NIPAL4: variants seen among roughly 807,000 people sequenced by gnomAD.
NIPAL4 encodes the protein magnesium transporter NIPA4.
Under a neutral mutation model 31.6 loss-of-function variants are expected in NIPAL4, and 21 were observed. The observed-to-expected ratio is 0.67, with a 90% CI of 0.47 to 0.96. NIPAL4 has a LOEUF of 0.96. Among genes scored for constraint, NIPAL4 ranks in the 40% least tolerant of loss-of-function variants. NIPAL4 has a pLI of 0.00. For synonymous variants in NIPAL4, 175 were observed against 211.1 expected, an observed-to-expected ratio of 0.83 and a Z score of 1.48; for missense variants, 438 against 508.0, an observed-to-expected ratio of 0.86 and a Z score of 1.32.
chr5:157,461,335 T>C (rs1233743612), intron 1 of NIPAL4, among the ~76,000 whole-genome samples: 3 of 152,250 alleles, frequency 2.0e-5, no homozygotes, highest in Admixed American at 1.3e-4. Context: ...CTCTGTCTTT[T>C]ACTTTTCACT....
intron 1 of NIPAL4, among the ~76,000 whole-genome samples, chr5:157,461,114 G>A (rs572660304): frequency 2.0e-5 from 3 of 152,210 alleles, no homozygotes; most frequent in Admixed American, 6.5e-5. Flanking sequence ...GCTGTGGCAT[G>A]TCCCTGTTTC....
chr5:157,474,674 G>A lies in NIPAL4; in HGVS notation c.*1714G>A, dbSNP rs1421886672. On this transcript the variant is annotated 3_prime_UTR_variant, in exon 6 of 6. Transcript: ENST00000311946. ...TGGCAGTAAACTGAGGGCCCTAAGA[G>A]TGTGGTCTGCAGGGTCAAGAATAAA... is the stretch of plus-strand genomic sequence containing the variant. 6.6e-6 allele frequency: 1 copy of A among 152,204 alleles called. No homozygotes were observed. Among genetic ancestry groups the A allele is most frequent in the Non-Finnish European group, 1.5e-5 (1 of 68,026 alleles). The allele number at this position is 152,204 out of a possible 1,614,324, so 9.4% of individuals were successfully genotyped here.
At chr5:157,468,923 G>A (rs1419384119) in intron 4 of NIPAL4, 111 bp downstream of exon 4, 3 of 698,324 alleles carry the variant, frequency 4.3e-6, no homozygotes, top group Non-Finnish European at 7.3e-6. Flanking sequence ...ACCTGGGTTG[G>A]TCTCAGCCTC....
chr5:157,466,679 T>C (rs186424936), intron 2 of NIPAL4, among the ~76,000 whole-genome samples: 16 of 152,314 alleles, frequency 1.1e-4, no homozygotes, highest in Non-Finnish European at 2.2e-4. Context: ...GGTTTCTGGC[T>C]TAAGCAACTG....
intron 4 of NIPAL4, among the ~76,000 whole-genome samples, chr5:157,471,306 T>C (rs1222327033): frequency 1.3e-5 from 2 of 152,182 alleles, no homozygotes; most frequent in Non-Finnish European, 2.9e-5. Flanking sequence ...CGGGATACAT[T>C]CAGAATGTTC....
At position 157,472,422 on chromosome 5, in the gene NIPAL4, T is replaced by A; in HGVS notation, c.677T>A (p.Ile226Asn). 6.2e-7 allele frequency: 1 copy of A among 1,613,806 alleles called. No individual in the cohort carries two copies. The highest frequency in any genetic ancestry group is 8.5e-7 in the Non-Finnish European group (1 of 1,179,868). The change falls in exon 6 of 6, where the codon ATC becomes AAC. Residue 226 changes from isoleucine to asparagine, a missense_variant. Ile to Asn is a moderately radical substitution (Grantham distance 149, BLOSUM62 -3). Coordinates refer to ENST00000311946, the MANE Select transcript of NIPAL4 (RefSeq NM_001099287.2). ...CGTTACGGGCAAAGGAATATCCTCA[T>A]CTACATCATCATCTGCTCTGTGATC... ...APRYGQRNILIYIIICSVIGA... is the reference protein window; with the variant it reads ...APRYGQRNILNYIIICSVIGA...
chr5:157,471,626 T>G, intron 4 of NIPAL4, 31 bp from the exon 5 acceptor site: 2 of 1,580,800 alleles, frequency 1.3e-6, no homozygotes, highest in Non-Finnish European at 1.7e-6. Context: ...GCATGGCTGC[T>G]CTAATCCCCT....
rs1370826939 is a variant in NIPAL4, at chr5:157,464,591, A to G, written c.277+1258A>G. On this transcript the variant is annotated intron_variant, in intron 2 of 5. Transcript: ENST00000311946. ...TTGAAGGTAGAATTTACCAGCTTTG[A>G]TACAGACCGGCTTCAAGCAAGGGAG... Among the ~76,000 whole-genome samples, 4 of 152,112 alleles carry G rather than the reference A, an allele frequency of 2.6e-5. No individual in the cohort carries two copies. The South Asian group carries it at 8.3e-4, about 32-fold the overall frequency.
chr5:157,464,820 G>C (rs1436317607), intron 2 of NIPAL4, among the ~76,000 whole-genome samples: 1 of 152,100 alleles, frequency 6.6e-6, no homozygotes, highest in African/African-American at 2.4e-5. Context: ...TCTAATTCTG[G>C]CTCCTCAATT....
In NIPAL4 at chr5:157,468,716, T is replaced by A; in HGVS notation, c.335-6T>A. On this transcript the variant is annotated splice_region_variant and splice_polypyrimidine_tract_variant and intron_variant, in intron 3 of 5. Coordinates refer to ENST00000311946, the MANE Select transcript of NIPAL4 (RefSeq NM_001099287.2). ...TGCTAGCCTCTTTTCTCCCTTCGTT[T>A]CCTAGTGGCTGCTGGAGAAGTTGCC... 1 of 1,595,688 alleles carries A rather than the reference T, an allele frequency of 6.3e-7. No individual in the cohort carries two copies. Among genetic ancestry groups the A allele is most frequent in the South Asian group, 1.1e-5 (1 of 90,620 alleles).
intron 4 of NIPAL4, among the ~76,000 whole-genome samples, chr5:157,469,135 C>A (rs1318284236): frequency 6.6e-6 from 1 of 152,190 alleles, no homozygotes; most frequent in Non-Finnish European, 1.5e-5. Context: ...AGAGCATGTG[C>A]TCCGGATTAA....
chr5:157,463,065 G>T, intron 1 of NIPAL4, 29 bp from the exon 2 acceptor site: 2 of 1,612,520 alleles, frequency 1.2e-6, no homozygotes, highest in South Asian at 1.1e-5. Flanking sequence ...TCCCCAGTGT[G>T]ACTCTCTCAC....
rs1754289760 is a variant in NIPAL4 at position 157,466,950 on chromosome 5, G to A, written c.278-99G>A. The A allele has an allele frequency of 3.5e-6, 3 of 864,120 alleles. No individual in the cohort carries two copies. The South Asian group carries it at 4.2e-5, about 12-fold the overall frequency. 53.5% of individuals were successfully genotyped at this position (864,120 alleles called of 1,614,324 possible). Reference sequence around the variant, plus strand: ...AAGGCCCAGAACCAAGCCTCAAGGAGCAGCCCTTAGAGGCCGGGGAGTGAG... The same window carrying A: ...AAGGCCCAGAACCAAGCCTCAAGGAACAGCCCTTAGAGGCCGGGGAGTGAG... On this transcript the variant is annotated intron_variant, in intron 2 of 5. Coordinates refer to ENST00000311946, the MANE Select transcript of NIPAL4 (RefSeq NM_001099287.2).
rs1244360042 is a variant in NIPAL4 at position 157,463,206 on chromosome 5, C to T, written c.150C>T (p.Ile50=). 6.2e-7 allele frequency: 1 copy of T among 1,614,008 alleles called. No homozygotes were observed. Among genetic ancestry groups the T allele is most frequent in the Admixed American group, 1.7e-5 (1 of 60,022 alleles). ...CCTTTCACAGCTGGCAGGAAAGAAT[C>T]AGGCAGAACTATGGCTTCTACATCG... ...NATFHSWQER[I]RQNYGFYIGL... Residue 50 remains isoleucine (I), a synonymous_variant, in exon 2 of 6, where the codon ATC becomes ATT. Transcript: ENST00000311946.
At chr5:157,467,701 G>T (rs1754315499) in intron 3 of NIPAL4, 1 of 157,400 alleles carries the variant, frequency 6.4e-6, no homozygotes, top group Admixed American at 6.0e-5. Context: ...AGACCCAGGT[G>T]GTTCTCTATC....
In NIPAL4 at chr5:157,472,844, G is replaced by T; in HGVS notation, c.1099G>T (p.Ala367Ser). ...HMHKNPPPSP[A>S]PEPTVIRLED... is the part of the protein sequence containing the mutation. Reference sequence around the variant, plus strand: ...GCACAAAAACCCACCCCCTTCTCCCGCCCCGGAACCCACTGTTATTAGACT... The same window carrying T: ...GCACAAAAACCCACCCCCTTCTCCCTCCCCGGAACCCACTGTTATTAGACT... Residue 367 changes from alanine (A) to serine (S), a missense_variant, in exon 6 of 6, where the codon GCC becomes TCC. Coordinates refer to ENST00000311946, the MANE Select transcript of NIPAL4 (RefSeq NM_001099287.2). 1 of 1,559,052 alleles carries T rather than the reference G, an allele frequency of 6.4e-7. No homozygotes were observed. The highest frequency in any genetic ancestry group is 8.8e-7 in the Non-Finnish European group (1 of 1,140,930).
chr5:157,464,689 T>G (rs915549071), intron 2 of NIPAL4, among the ~76,000 whole-genome samples: 4 of 152,166 alleles, frequency 2.6e-5, no homozygotes, highest in Admixed American at 2.6e-4. Context: ...AAGTGCTATT[T>G]CTTGAGATGA....
intron 2 of NIPAL4, 85 bp downstream of exon 2, chr5:157,463,418 C>T: frequency 7.0e-7 from 1 of 1,425,670 alleles, no homozygotes; most frequent in South Asian, 1.4e-5. Context: ...AGGATGGCCT[C>T]AGCAAGGTAC....
At chr5:157,460,659 GGC>G (rs1754073962) in intron 1 of NIPAL4, 2 of 603,570 alleles carry the variant, frequency 3.3e-6, no homozygotes, top group Admixed American at 4.3e-5. Flanking sequence ...AGGTGGTGGG[GGC>G]GGGGGGAGGA....
Sources: gnomAD v4.1 joint callset for allele counts (sites outside exome capture counted in the v4.1 genomes callset) on GRCh38, gnomAD v4.1.1 for gene constraint, MANE v1.5 for transcripts, NCBI Gene and HGNC (gene_info 2026-07-23, HGNC 2026-07-21) for gene names.